Variants in SLC8A3 observed in about 807,000 individuals in gnomAD.
SLC8A3 encodes solute carrier family 8 member A3.
Under a neutral mutation model 65.4 loss-of-function variants are expected in SLC8A3, and 37 were observed. The observed-to-expected ratio is 0.57, with a 90% CI of 0.44 to 0.74. The LOEUF (loss-of-function observed/expected upper bound fraction) is 0.74, where lower values mean the gene tolerates loss of function less well. SLC8A3 is among the 30% of genes least tolerant of loss of function. The probability of loss-of-function intolerance (pLI) is 0.00; values close to 1 mark genes in which losing one functional copy is unlikely to be tolerated. For missense variants in SLC8A3, 1,112 were observed against 1,172.1 expected, an observed-to-expected ratio of 0.95 and a Z score of 0.75; for synonymous variants, 461 against 444.5, an observed-to-expected ratio of 1.04 and a Z score of -0.47.
intron 2 of SLC8A3, among the ~76,000 whole-genome samples, chr14:70,127,519 G>T (rs1033537838): frequency 2.0e-5 from 3 of 152,154 alleles, no homozygotes; most frequent in African/African-American, 7.2e-5. Flanking sequence ...AGCTACTGAT[G>T]GTGATGGTGA....
At chr14:70,065,479 G>A (rs988029777) in intron 2 of SLC8A3, among the ~76,000 whole-genome samples, 2 of 152,092 alleles carry the variant, frequency 1.3e-5, no homozygotes, top group African/African-American at 4.8e-5. Flanking sequence ...TGATGCTCTG[G>A]CCTTCCTTCT....
chr14:70,050,466 T>C (rs12883884), intron 5 of SLC8A3, among the ~76,000 whole-genome samples: 5 of 151,858 alleles, frequency 3.3e-5, no homozygotes, highest in Non-Finnish European at 7.4e-5. Flanking sequence ...CCCTCAGGCT[T>C]CTAGGACTCC....
chr14:70,133,981 G>T (rs1313432693), intron 2 of SLC8A3, among the ~76,000 whole-genome samples: 4 of 152,134 alleles, frequency 2.6e-5, no homozygotes, highest in Non-Finnish European at 5.9e-5. Flanking sequence ...CTTTCCAGCT[G>T]GGCTCTGTGG....
At chr14:70,060,401 T>A (rs1449579977) in intron 3 of SLC8A3, among the ~76,000 whole-genome samples, 1 of 152,070 alleles carries the variant, frequency 6.6e-6, no homozygotes, top group East Asian at 1.9e-4. Flanking sequence ...ATGCATCGCA[T>A]CACATTCCTT....
intron 2 of SLC8A3, among the ~76,000 whole-genome samples, chr14:70,072,595 GTCCATCCATCCATCCATCCA>G (rs36178413): frequency 3.3e-5 from 5 of 149,678 alleles, no homozygotes; most frequent in African/African-American, 9.9e-5. Flanking sequence ...CTATCTATCC[GTCCATCCATCCATCCATCCA>G]TCCATCCATC....
intron 3 of SLC8A3, among the ~76,000 whole-genome samples, chr14:70,055,049 T>C (rs1350290687): frequency 1.3e-5 from 2 of 152,114 alleles, no homozygotes; most frequent in Non-Finnish European, 2.9e-5. Context: ...AAGTTGAATG[T>C]TGTTTATGAT....
At chr14:70,157,575 G>A (rs1213056440) in intron 2 of SLC8A3, among the ~76,000 whole-genome samples, 1 of 152,224 alleles carries the variant, frequency 6.6e-6, no homozygotes, top group Non-Finnish European at 1.5e-5. Context: ...CTAGGACTTT[G>A]GGGTACCATT....
intron 2 of SLC8A3, among the ~76,000 whole-genome samples, chr14:70,151,457 TAACA>T (rs1896274740): frequency 1.3e-5 from 2 of 151,936 alleles, no homozygotes; most frequent in South Asian, 4.1e-4. Flanking sequence ...AACCCCTATA[TAACA>T]AAGTTGTTGA....
At chr14:70,188,087 T>C (rs1883485256) in intron 1 of SLC8A3, among the ~76,000 whole-genome samples, 1 of 151,962 alleles carries the variant, frequency 6.6e-6, no homozygotes, top group African/African-American at 2.4e-5. Flanking sequence ...CCCAGGCATC[T>C]CTCTCTGCCC....
chr14:70,088,263 C>A (rs975794575), intron 2 of SLC8A3, among the ~76,000 whole-genome samples: 1 of 152,206 alleles, frequency 6.6e-6, no homozygotes, highest in Non-Finnish European at 1.5e-5. Context: ...TGAGAACTAA[C>A]AAAGCCCCTT....
intron 2 of SLC8A3, among the ~76,000 whole-genome samples, chr14:70,066,832 C>T (rs1000694540): frequency 1.3e-5 from 2 of 152,068 alleles, no homozygotes; most frequent in African/African-American, 4.8e-5. Context: ...AAACAAACAA[C>T]AACAACAACA....
intron 2 of SLC8A3, among the ~76,000 whole-genome samples, chr14:70,140,952 C>T (rs888332016): frequency 6.6e-6 from 1 of 152,238 alleles, no homozygotes; most frequent in Non-Finnish European, 1.5e-5. Context: ...TTTATAGCAT[C>T]TAGCCACACA....
At chr14:70,067,446 C>G (rs1566751504) in intron 2 of SLC8A3, among the ~76,000 whole-genome samples, 1 of 152,198 alleles carries the variant, frequency 6.6e-6, no homozygotes, top group Non-Finnish European at 1.5e-5. Flanking sequence ...AGACCCCACC[C>G]TGCTTACTTC....
intron 2 of SLC8A3, among the ~76,000 whole-genome samples, chr14:70,163,195 T>A (rs1896982498): frequency 1.3e-5 from 2 of 152,204 alleles, no homozygotes; most frequent in South Asian, 4.1e-4. Flanking sequence ...ATACTTATAT[T>A]TAGTATTCCC....
At chr14:70,182,980 C>T (rs1253231849) in intron 1 of SLC8A3, among the ~76,000 whole-genome samples, 1 of 152,072 alleles carries the variant, frequency 6.6e-6, no homozygotes, top group Non-Finnish European at 1.5e-5. Context: ...GATGAGGAAC[C>T]CAGTGGAGAA....
intron 2 of SLC8A3, among the ~76,000 whole-genome samples, chr14:70,129,008 T>C (rs7140688): frequency 0.11 from 16,194 of 152,304 alleles, 1,160 homozygotes; most frequent in Non-Finnish European, 0.16. Context: ...GGTCCCATTA[T>C]TGGCTTGGGC....
At chr14:70,062,631 C>T (rs995308047) in intron 2 of SLC8A3, among the ~76,000 whole-genome samples, 17 of 152,238 alleles carry the variant, frequency 1.1e-4, no homozygotes, top group Middle Eastern at 3.2e-3. Context: ...AGGACACCTT[C>T]CTCAGAATGT....
chr14:70,060,363 G>A, intron 3 of SLC8A3: 1 of 285,978 alleles, frequency 3.5e-6, no homozygotes, highest in Non-Finnish European at 6.8e-6. Context: ...AGGGGTGGCA[G>A]GGGAGGAAGG....
chr14:70,138,734 A>C (rs1042341746), intron 2 of SLC8A3, among the ~76,000 whole-genome samples: 1 of 152,212 alleles, frequency 6.6e-6, no homozygotes, highest in Non-Finnish European at 1.5e-5. Flanking sequence ...TTCAGTAAAC[A>C]TTTGTGGAAC....
Sources: allele counts gnomAD v4.1 joint callset (sites outside exome capture counted in the v4.1 genomes callset), GRCh38; gene constraint gnomAD v4.1.1; transcripts MANE v1.5; gene names NCBI Gene and HGNC (gene_info 2026-07-23, HGNC 2026-07-21).